NUTF2: variants seen among roughly 807,000 people sequenced by gnomAD.
The protein encoded by NUTF2 is nuclear transport factor 2, also known as placental protein 15.
NUTF2 carries 3 observed loss-of-function variants against 18.5 expected under a neutral mutation model. The ratio of observed to expected loss-of-function variants is 0.16; its 90% CI spans 0.07 to 0.42. The LOEUF (loss-of-function observed/expected upper bound fraction) is 0.42. NUTF2 is among the 10% of genes least tolerant of loss of function. The pLI is 0.99. For missense variants in NUTF2, 44 were observed against 160.7 expected, an observed-to-expected ratio of 0.27 and a Z score of 3.93; for synonymous variants, 51 against 57.9, an observed-to-expected ratio of 0.88 and a Z score of 0.54.
intron 1 of NUTF2, among the ~76,000 whole-genome samples, chr16:67,858,525 C>T (rs886872144): frequency 2.6e-5 from 4 of 152,138 alleles, no homozygotes; most frequent in Admixed American, 2.6e-4. Context: ...AGGTGACATT[C>T]GAGCTGGCAC....
At chr16:67,864,924 T>C (rs147322564) in intron 1 of NUTF2, among the ~76,000 whole-genome samples, 178 bp from the exon 2 acceptor site, 1 of 152,284 alleles carries the variant, frequency 6.6e-6, no homozygotes, top group African/African-American at 2.4e-5. Context: ...TCTGGGCTCC[T>C]AGCACTGGTC....
At chr16:67,854,655 A>G (rs1421094444) in intron 1 of NUTF2, among the ~76,000 whole-genome samples, 4 of 152,334 alleles carry the variant, frequency 2.6e-5, no homozygotes, top group East Asian at 3.9e-4. Flanking sequence ...AAAGTTGGGC[A>G]TGATTTCTTG....
intron 1 of NUTF2, among the ~76,000 whole-genome samples, chr16:67,860,777 T>C (rs1282718901): frequency 1.3e-5 from 2 of 152,240 alleles, no homozygotes; most frequent in Non-Finnish European, 2.9e-5. Flanking sequence ...CATGAGAATC[T>C]TTCTGTGTGC....
At position 67,871,864 on chromosome 16, in the gene NUTF2, A is replaced by G. The variant is rs920162078; in HGVS notation, c.*951A>G. 27 of 152,464 alleles carry G rather than the reference A, an allele frequency of 1.8e-4. No individual in the cohort carries two copies. The highest frequency in any genetic ancestry group is 6.3e-4 in the African/African-American group (26 of 41,576). The allele number at this position is 152,464 out of a possible 1,614,324, so 9.4% of individuals were successfully genotyped here. A position where few individuals can be genotyped will look rare whatever the true frequency, so the allele number is the denominator to read the frequency against. On this transcript the variant is annotated 3_prime_UTR_variant, in exon 5 of 5. Coordinates refer to ENST00000219169, the MANE Select transcript of NUTF2 (RefSeq NM_005796.3). Reference sequence around the variant, plus strand: ...TGGATATCTTTACCCAAAGGCAGGTAACCCGAAGAGCCAGCCTCCACTGCC... The same window carrying G: ...TGGATATCTTTACCCAAAGGCAGGTGACCCGAAGAGCCAGCCTCCACTGCC...
At chr16:67,847,093 C>G (rs932531084) in intron 1 of NUTF2, 108 bp downstream of exon 1, 1 of 150,320 alleles carries the variant, frequency 6.7e-6, no homozygotes, top group South Asian at 2.1e-4. Flanking sequence ...TCCCCTCCCC[C>G]CCCCCCGGCG....
intron 4 of NUTF2, chr16:67,870,465 G>T: frequency 3.7e-6 from 1 of 271,544 alleles, no homozygotes; most frequent in Non-Finnish European, 7.0e-6. Context: ...TATGGGATTC[G>T]TTTCAAAATT....
intron 1 of NUTF2, among the ~76,000 whole-genome samples, chr16:67,849,840 A>C (rs910432719): frequency 1.8e-4 from 27 of 151,728 alleles, no homozygotes; most frequent in Non-Finnish European, 3.8e-4. Flanking sequence ...TTGTATTTTT[A>C]GTAGAGACGG....
At chr16:67,857,478 G>A (rs1026771150) in intron 1 of NUTF2, among the ~76,000 whole-genome samples, 11 of 152,132 alleles carry the variant, frequency 7.2e-5, no homozygotes, top group Middle Eastern at 3.2e-3. Context: ...GGGGAGTGGC[G>A]GGCCAGGCAG....
chr16:67,864,300 C>T (rs1490015097), intron 1 of NUTF2, among the ~76,000 whole-genome samples: 1 of 152,152 alleles, frequency 6.6e-6, no homozygotes, highest in Admixed American at 6.5e-5. Flanking sequence ...CACTTGCAGT[C>T]TGGAGTTCGA....
chr16:67,868,627 G>A, intron 4 of NUTF2, 28 bp downstream of exon 4: 1 of 1,598,642 alleles, frequency 6.3e-7, no homozygotes, highest in Non-Finnish European at 8.6e-7. Context: ...GTGGTAGGGA[G>A]GGGTGGGCAG....
At chr16:67,858,174 T>C (rs971238676) in intron 1 of NUTF2, among the ~76,000 whole-genome samples, 3 of 152,222 alleles carry the variant, frequency 2.0e-5, no homozygotes, top group Admixed American at 6.5e-5. Flanking sequence ...TTATTATTTA[T>C]TTATTTTAAT....
intron 1 of NUTF2, among the ~76,000 whole-genome samples, chr16:67,858,658 G>A: frequency 6.6e-6 from 1 of 152,216 alleles, no homozygotes; most frequent in South Asian, 2.1e-4. Context: ...TGGTGCAACT[G>A]TAGAGGAGGG....
intron 1 of NUTF2, among the ~76,000 whole-genome samples, chr16:67,853,167 G>A (rs1174772938): frequency 6.6e-6 from 1 of 152,086 alleles, no homozygotes; most frequent in Non-Finnish European, 1.5e-5. Context: ...CCAGCTACTT[G>A]GGAGGTGAGG....
chr16:67,848,778 C>T (rs190361176), intron 1 of NUTF2, among the ~76,000 whole-genome samples: 2 of 151,804 alleles, frequency 1.3e-5, no homozygotes, highest in Admixed American at 1.3e-4. Context: ...AAAGCAGCAG[C>T]AGCTCAATCT....
At chr16:67,868,832 C>T in intron 4 of NUTF2, 2 of 400,796 alleles carry the variant, frequency 5.0e-6, no homozygotes, top group Non-Finnish European at 9.3e-6. Flanking sequence ...CCATATAGAA[C>T]ATTTTTGTGA....
chr16:67,856,299 T>A (rs1020501326), intron 1 of NUTF2, among the ~76,000 whole-genome samples: 1 of 151,944 alleles, frequency 6.6e-6, no homozygotes, highest in Non-Finnish European at 1.5e-5. Flanking sequence ...TTCAAGCAAT[T>A]CTCTGCCTCA....
intron 1 of NUTF2, chr16:67,847,225 C>G (rs922053906): frequency 2.6e-5 from 4 of 152,252 alleles, no homozygotes; most frequent in Non-Finnish European, 1.5e-5. Context: ...TGGGCCGTAC[C>G]GTGCTGGTGG....
chr16:67,859,799 T>A (rs2057922935), intron 1 of NUTF2, among the ~76,000 whole-genome samples: 7 of 71,952 alleles, frequency 9.7e-5, no homozygotes, highest in African/African-American at 1.6e-4. Context: ...CCAGGCCTTT[T>A]TTTTTTTTTT....
chr16:67,865,979 A>G (rs763684803), intron 2 of NUTF2, among the ~76,000 whole-genome samples: 6 of 152,076 alleles, frequency 3.9e-5, no homozygotes, highest in Non-Finnish European at 7.4e-5. Flanking sequence ...TGGCCTTCCA[A>G]CGTGCTGGGA....
Sources: gnomAD v4.1 joint callset for allele counts (sites outside exome capture counted in the v4.1 genomes callset) on GRCh38, gnomAD v4.1.1 for gene constraint, MANE v1.5 for transcripts, NCBI Gene and HGNC (gene_info 2026-07-23, HGNC 2026-07-21) for gene names.